Variants in TFR2 observed in about 807,000 individuals in gnomAD.
TFR2 encodes the protein transferrin receptor protein 2.
In TFR2, 64 loss-of-function variants were observed where a neutral mutation model predicts 91.9. The ratio of observed to expected loss-of-function variants is 0.70; its 90% confidence interval spans 0.57 to 0.86. The LOEUF is 0.86. Ranked by LOEUF, TFR2 falls within the 40% of genes least tolerant of loss-of-function variation. The pLI, the probability that TFR2 is intolerant of heterozygous loss-of-function variation, is 0.00. For synonymous variants in TFR2, 454 were observed against 459.6 expected (o/e 0.99, Z 0.15); for missense variants, 950 against 1,080.5 (o/e 0.88, Z 1.69).
rs547372812 is a variant in TFR2 at position 100,621,157 on chromosome 7, G to A, written c.2137-31C>T. On this transcript the variant is annotated intron_variant, in intron 17 of 17. Coordinates refer to ENST00000223051, the MANE Select transcript of TFR2 (RefSeq NM_003227.4). ...CAGAGAGGGGGATCAGGTCAGGGTT[G>A]GGGGCTCTGGCTCGGGAGCAAAGGC... 9 of 1,461,940 alleles carry A rather than the reference G, an allele frequency of 6.2e-6. No homozygotes were observed. The African/African-American group carries it at 1.1e-4, about 18-fold the overall frequency. 90.6% of individuals were successfully genotyped at this position (1,461,940 alleles called of 1,614,324 possible). A position where few individuals can be genotyped will look rare whatever the true frequency, so the allele number is the denominator to read the frequency against.
Position 100,626,944 on chromosome 7 carries a change from CAGGACCCCCGCCTAGCATGGGGACA to C in TFR2, c.1996-66_1996-42del, listed in dbSNP as rs758605498. The C allele has an allele frequency of 6.6e-5, 101 of 1,522,540 alleles. No individual in the cohort carries two copies. In the Admixed American group the frequency reaches 7.3e-4, roughly 11 times the overall value. The allele number at this position is 1,522,540 out of a possible 1,614,324, so 94.3% of individuals were successfully genotyped here. A position where few individuals can be genotyped will look rare whatever the true frequency, so the allele number is the denominator to read the frequency against. On this transcript the variant is annotated intron_variant, in intron 16 of 17. Coordinates refer to ENST00000223051, the MANE Select transcript of TFR2 (RefSeq NM_003227.4). The stretch of plus-strand genomic sequence containing the variant: ...GCGGGCTGGGGCTGGCGGCAGGGGC[CAGGACCCCCGCCTAGCATGGGGACA>C]AGGACCCCCGCCTAGCATGGGGAAG...
intron 10 of TFR2, among the ~76,000 whole-genome samples, chr7:100,628,852 C>T (rs892042848): frequency 1.4e-4 from 21 of 151,426 alleles, no homozygotes; most frequent in African/African-American, 5.1e-4. Context: ...CTGCAAACTC[C>T]GCCTCCCAGG....
intron 8 of TFR2, 151 bp from the exon 9 acceptor site, chr7:100,631,203 GCCTT>G (rs1803421787): frequency 1.1e-6 from 1 of 891,526 alleles, no homozygotes; most frequent in Admixed American, 3.1e-5. Flanking sequence ...AGTCAGGGCT[GCCTT>G]GGATGGTTCT....
intron 10 of TFR2, 51 bp downstream of exon 10, chr7:100,629,202 C>A: frequency 1.2e-6 from 2 of 1,610,284 alleles, no homozygotes; most frequent in Non-Finnish European, 1.7e-6. Flanking sequence ...CTCCTCGGGC[C>A]ACAGGCCCAC....
chr7:100,621,217 T>G, intron 17 of TFR2, 91 bp from the exon 18 acceptor site: 1 of 1,386,678 alleles, frequency 7.2e-7, no homozygotes, highest in Admixed American at 3.0e-5. Context: ...GTCTTTTTGT[T>G]TTTTTGTTTG....
At position 100,640,744 on chromosome 7, in the gene TFR2, C is replaced by T. The variant is rs758059366; in HGVS notation, c.415G>A (p.Asp139Asn). The change falls in exon 3 of 18, where the codon GAC becomes AAC. Residue 139 changes from aspartate to asparagine, a missense_variant. Coordinates refer to ENST00000223051, the MANE Select transcript of TFR2 (RefSeq NM_003227.4). ...DFHQGRLYWS[D>N]LQAMFLQFLG... ...AACTGCAGGAACATGGCCTGGAGGT[C>T]GCTCCAGTAGAGTCTGCCCTGGTGG... 1.7e-5 allele frequency: 28 copies of T among 1,613,838 alleles called. No homozygotes were observed. In the South Asian group the frequency reaches 2.0e-4, roughly 11 times the overall value.
intron 3 of TFR2, among the ~76,000 whole-genome samples, chr7:100,636,945 A>T (rs553361005): frequency 1.3e-5 from 2 of 152,280 alleles, no homozygotes; most frequent in South Asian, 4.1e-4. Flanking sequence ...TACCCAGATG[A>T]CCAAATACTG....
chr7:100,627,318 C>A lies in TFR2; in HGVS notation c.1941G>T (p.Gly647=), dbSNP rs111760099. The A allele has an allele frequency of 1.6e-3, 2,431 of 1,550,162 alleles. 6 individuals are homozygous for A. The highest frequency in any genetic ancestry group is 0.013 in the African/African-American group (946 of 73,144). The change falls in exon 16 of 18, where the codon GGG becomes GGT. Residue 647 remains glycine, a synonymous_variant. Transcript: ENST00000223051. ...RLLPLDFGRY[G]DVVLRHIGNL... Reference sequence around the variant, plus strand: ...TCCCGATGTGCCTGAGGACGACGTCCCCGTAGCGGCCGAAGTCGAGGGGCA... The same window carrying A: ...TCCCGATGTGCCTGAGGACGACGTCACCGTAGCGGCCGAAGTCGAGGGGCA...
In TFR2 at chr7:100,621,075, G is replaced by A. The variant is rs746407340; in HGVS notation, c.2188C>T (p.Arg730Cys). Residue 730 changes from arginine (R) to cysteine (C), a missense_variant, in exon 18 of 18, where the codon CGC (arginine) becomes TGC (cysteine). Coordinates refer to ENST00000223051, the MANE Select transcript of TFR2 (RefSeq NM_003227.4). ...TCTCCACGGCCCATGAAGATGTGGC[G>A]GAACGGGGAGTCGGCTGGCGACACG... ...QYVSPADSPF[R>C]HIFMGRGDHT... The A allele has an allele frequency of 5.8e-6, 9 of 1,550,260 alleles. No homozygotes were observed. Among genetic ancestry groups the A allele is most frequent in the East Asian group, 2.4e-5 (1 of 41,134 alleles).
At chr7:100,622,239 G>C (rs1436368162) in intron 17 of TFR2, among the ~76,000 whole-genome samples, 1 of 152,144 alleles carries the variant, frequency 6.6e-6, no homozygotes, top group African/African-American at 2.4e-5. Context: ...TTCACTCACA[G>C]AGCTCATCTG....
At chr7:100,637,112 A>G (rs1217577578) in intron 3 of TFR2, among the ~76,000 whole-genome samples, 1 of 152,014 alleles carries the variant, frequency 6.6e-6, no homozygotes. Context: ...AAAAAAATAC[A>G]TAAATTGCCG....
In TFR2 at chr7:100,620,892, T is replaced by G. The variant is rs1803083536; in HGVS notation, c.2371A>C (p.Ser791Arg). 1 of 1,614,088 alleles carries G rather than the reference T, an allele frequency of 6.2e-7. No homozygotes were observed. Among genetic ancestry groups the G allele is most frequent in the Non-Finnish European group, 8.5e-7 (1 of 1,179,894 alleles). The stretch of plus-strand genomic sequence containing the variant: ...TTATCAATGTTCCAGACATCCCCGC[T>G]AAGCGCATTGGCTGCCCCTTGCAGC... ...WTLQGAANALSGDVWNIDNNF is the reference protein window; with the variant it reads ...WTLQGAANALRGDVWNIDNNF The change falls in exon 18 of 18, where the codon AGC (serine) becomes CGC (arginine). Residue 791 changes from serine to arginine, a missense_variant. Transcript: ENST00000223051.
At chr7:100,638,083 A>C (rs536915287) in intron 3 of TFR2, among the ~76,000 whole-genome samples, 1 of 152,034 alleles carries the variant, frequency 6.6e-6, no homozygotes, top group South Asian at 2.1e-4. Context: ...GGTTCACTGC[A>C]AGCTCCGCCT....
In TFR2 at chr7:100,631,930, C is replaced by T; in HGVS notation, c.982G>A (p.Gly328Arg). 6.2e-7 allele frequency: 1 copy of T among 1,614,008 alleles called. No individual in the cohort carries two copies. The highest frequency in any genetic ancestry group is 8.5e-7 in the Non-Finnish European group (1 of 1,179,964). Residue 328 changes from glycine (G) to arginine (R), a missense_variant, in exon 8 of 18, where the codon GGA (glycine) becomes AGA (arginine). Physicochemically the swap from Gly to Arg is moderately radical, Grantham distance 125 (BLOSUM62 -2). Coordinates refer to ENST00000223051, the MANE Select transcript of TFR2 (RefSeq NM_003227.4). The stretch of plus-strand genomic sequence containing the variant: ...GGGAAGCCAGGTGTGTAGGGGTCTC[C>T]AGTTCCCAGGTGCACCTGCAGGGAA... ...AVYGHVHLGT[G>R]DPYTPGFPSF...
At chr7:100,630,823 G>T in intron 9 of TFR2, 66 bp downstream of exon 9, 1 of 1,605,840 alleles carries the variant, frequency 6.2e-7, no homozygotes, top group South Asian at 1.1e-5. Context: ...TATCTTGCCA[G>T]GGTGTATGGG....
chr7:100,641,137 T>C lies in TFR2; in HGVS notation c.125A>G (p.Glu42Gly). Reference sequence around the variant, plus strand: ...GTGGGCCAATGTCTCCGCCCCCTCCTCCCCGTCTTCCTCTTCCTCCTCCAG... The same window carrying C: ...GTGGGCCAATGTCTCCGCCCCCTCCCCCCCGTCTTCCTCTTCCTCCTCCAG... The part of the protein sequence containing the change: ...GHLEEEEEDG[E>G]EGAETLAHFC... Residue 42 changes from glutamate to glycine, a missense_variant, in exon 2 of 18, where the codon GAG becomes GGG. Coordinates refer to ENST00000223051, the MANE Select transcript of TFR2 (RefSeq NM_003227.4). 1 of 1,551,954 alleles carries C rather than the reference T, an allele frequency of 6.4e-7. No individual in the cohort carries two copies. The highest frequency in any genetic ancestry group is 8.7e-7 in the Non-Finnish European group (1 of 1,148,688).
chr7:100,620,610 T>C lies in TFR2; in HGVS notation c.*247A>G. 1 of 500,570 alleles carries C rather than the reference T, an allele frequency of 2.0e-6. No homozygotes were observed. The allele number at this position is 500,570 out of a possible 1,614,324, so 31.0% of individuals were successfully genotyped here. On this transcript the variant is annotated 3_prime_UTR_variant, in exon 18 of 18. Coordinates refer to ENST00000223051, the MANE Select transcript of TFR2 (RefSeq NM_003227.4). ...CCCAGAAAGGGGAAGGGGCTGTGAT[T>C]GAAGGGATGCTACTCTCTGATTAAC...
intron 9 of TFR2, 150 bp from the exon 10 acceptor site, chr7:100,629,522 C>G (rs1177476276): frequency 1.3e-6 from 2 of 1,484,822 alleles, no homozygotes; most frequent in Admixed American, 3.8e-5. Flanking sequence ...CCCCTCCCCA[C>G]TTGGCCCTTC....
intron 8 of TFR2, 168 bp downstream of exon 8, chr7:100,631,638 G>A (rs776078639): frequency 1.2e-6 from 1 of 857,922 alleles, no homozygotes; most frequent in South Asian, 2.1e-5. Context: ...AAAAAAAAAG[G>A]TCAGGGTCTC....
Sources: allele counts gnomAD v4.1 joint callset (sites outside exome capture counted in the v4.1 genomes callset), GRCh38; gene constraint gnomAD v4.1.1; transcripts MANE v1.5; gene names NCBI Gene and HGNC (gene_info 2026-07-23, HGNC 2026-07-21).